The following CCNH variants were observed in gnomAD, a reference collection of about 807,000 sequenced individuals.
The protein encoded by CCNH is cyclin H.
CCNH carries 31 observed loss-of-function variants against 41.9 expected under a neutral mutation model. That is an observed-to-expected ratio of 0.74 (90% confidence interval 0.56 to 1.00). The LOEUF (loss-of-function observed/expected upper bound fraction) is 1.00, where lower values mean the gene tolerates loss of function less well. CCNH is among the 50% of genes least tolerant of loss of function. CCNH has a pLI of 0.00. For missense variants in CCNH, 362 were observed against 388.4 expected, an observed-to-expected ratio of 0.93 and a Z score of 0.57; for synonymous variants, 138 against 136.1, an observed-to-expected ratio of 1.01 and a Z score of -0.10.
chr5:87,368,731 T>C lies in CCNH; in HGVS notation c.*90+24039A>G, dbSNP rs142057791. On this transcript the variant is annotated intron_variant and NMD_transcript_variant, in intron 9 of 9. Coordinates refer to the CCNH transcript ENST00000645953. The stretch of plus-strand genomic sequence containing the variant: ...TAATTTTTTAGCCTTTTAGGAACTA[T>C]TTTCTGCTTAGCGTCTCAGCTACAC... 4.6e-5 allele frequency among the ~76,000 whole-genome samples: 7 copies of C among 152,278 alleles called. No individual in the cohort carries two copies. The East Asian group carries it at 1.4e-3, about 29-fold the overall frequency.
intron 2 of CCNH, among the ~76,000 whole-genome samples, chr5:87,410,311 A>T (rs900196042): frequency 1.3e-4 from 20 of 152,196 alleles, no homozygotes; most frequent in Admixed American, 5.2e-4. Flanking sequence ...TTACTGCCTC[A>T]TTTTACAGTT....
chr5:87,400,722 T>C (rs1326875232), intron 6 of CCNH, among the ~76,000 whole-genome samples: 1 of 152,224 alleles, frequency 6.6e-6, no homozygotes, highest in African/African-American at 2.4e-5. Flanking sequence ...CAATCTTATA[T>C]TCTACTGGTT....
intron 9 of CCNH, among the ~76,000 whole-genome samples, chr5:87,356,514 C>T (rs1759663102): frequency 6.6e-6 from 1 of 151,954 alleles, no homozygotes; most frequent in African/African-American, 2.4e-5. Flanking sequence ...CTCAGGCTCC[C>T]CAGTAGCTAG....
downstream of CCNH, among the ~76,000 whole-genome samples, chr5:87,388,922 A>AC (rs1226356345): frequency 3.3e-5 from 5 of 151,610 alleles, no homozygotes; most frequent in Admixed American, 6.6e-5. Context: ...AGGAAGCCAC[A>AC]CCCCCCACCC....
intron 9 of CCNH, among the ~76,000 whole-genome samples, chr5:87,357,724 TAGTATGTGGCATCTAATAAACTTGC>T (rs1453828453): frequency 6.6e-6 from 1 of 151,830 alleles, no homozygotes; most frequent in African/African-American, 2.4e-5. Flanking sequence ...GAAAAACAAA[TAGTATGTGGCATCTAATAAACTTGC>T]AGTATGTGTT....
downstream of CCNH, chr5:87,374,779 A>C (rs567758446): frequency 1.9e-6 from 3 of 1,596,502 alleles, no homozygotes; most frequent in East Asian, 6.8e-5. Flanking sequence ...CTAGAACTAA[A>C]GAAATAAGGT....
intron 9 of CCNH, among the ~76,000 whole-genome samples, chr5:87,339,429 A>G (rs960007174): frequency 1.2e-4 from 18 of 152,178 alleles, no homozygotes; most frequent in African/African-American, 3.6e-4. Context: ...GCATCTTACT[A>G]TGATAGTTTT....
chr5:87,411,961 G>T (rs1764281381), intron 1 of CCNH, among the ~76,000 whole-genome samples: 1 of 152,152 alleles, frequency 6.6e-6, no homozygotes, highest in Non-Finnish European at 1.5e-5. Flanking sequence ...CAGTCCGAGA[G>T]CTGTAACAGA....
At chr5:87,397,173 T>C (rs1299001630) in intron 7 of CCNH, among the ~76,000 whole-genome samples, 4 of 152,062 alleles carry the variant, frequency 2.6e-5, no homozygotes, top group African/African-American at 9.7e-5. Context: ...TTTTTTGTTT[T>C]TTTTTTTGAG....
At chr5:87,387,210 C>T (rs764613859), downstream of CCNH, among the ~76,000 whole-genome samples, 28 of 152,070 alleles carry the variant, frequency 1.8e-4, no homozygotes, top group Non-Finnish European at 2.8e-4. Flanking sequence ...ACTGCCATGA[C>T]ATTCTGTTGC....
At chr5:87,390,496 T>C (rs902609622), downstream of CCNH, among the ~76,000 whole-genome samples, 1 of 151,732 alleles carries the variant, frequency 6.6e-6, no homozygotes, top group Admixed American at 6.6e-5. Context: ...AAAAAAAGCC[T>C]TTTTTAAAAG....
chr5:87,379,001 A>C (rs1483042771), upstream of CCNH, among the ~76,000 whole-genome samples: 1 of 152,196 alleles, frequency 6.6e-6, no homozygotes, highest in Admixed American at 6.6e-5. Context: ...ATAAATTCAT[A>C]ATACACTATT....
intron 9 of CCNH, among the ~76,000 whole-genome samples, chr5:87,334,328 TTCC>T (rs1408442764): frequency 6.6e-6 from 1 of 152,176 alleles, no homozygotes; most frequent in Non-Finnish European, 1.5e-5. Context: ...GATGAATTTC[TTCC>T]TCCTCCATTT....
downstream of CCNH, chr5:87,394,246 G>C: frequency 8.1e-7 from 1 of 1,238,938 alleles, no homozygotes; most frequent in Non-Finnish European, 1.0e-6. Context: ...GATGGAATAA[G>C]AATATTCAAA....
intron 9 of CCNH, among the ~76,000 whole-genome samples, chr5:87,330,447 G>A (rs1757526101): frequency 6.6e-6 from 1 of 152,094 alleles, no homozygotes; most frequent in African/African-American, 2.4e-5. Flanking sequence ...TTCTCTGGAT[G>A]TTTCAAATTA....
At chr5:87,408,244 A>C in intron 3 of CCNH, 58 bp from the exon 4 acceptor site, 2 of 809,224 alleles carry the variant, frequency 2.5e-6, no homozygotes, top group African/African-American at 1.7e-5. Flanking sequence ...AAGAACATGC[A>C]TATACTTTGA....
At chr5:87,352,695 A>G (rs1030678999) in intron 9 of CCNH, among the ~76,000 whole-genome samples, 2 of 151,422 alleles carry the variant, frequency 1.3e-5, no homozygotes, top group African/African-American at 4.8e-5. Flanking sequence ...CATGTGTTTT[A>G]TGACCTGTTT....
chr5:87,407,887 G>T, intron 4 of CCNH, 89 bp downstream of exon 4: 1 of 965,704 alleles, frequency 1.0e-6, no homozygotes, highest in Non-Finnish European at 1.6e-6. Flanking sequence ...ATAACAACGA[G>T]GATGATTATG....
At chr5:87,347,370 A>G (rs903038793) in intron 9 of CCNH, among the ~76,000 whole-genome samples, 1 of 152,008 alleles carries the variant, frequency 6.6e-6, no homozygotes, top group African/African-American at 2.4e-5. Context: ...TTGTGGTTTT[A>G]ACCATCCTGT....
Sources: gnomAD v4.1 joint callset for allele counts (sites outside exome capture counted in the v4.1 genomes callset) on GRCh38, gnomAD v4.1.1 for gene constraint, MANE v1.5 for transcripts, NCBI Gene and HGNC (gene_info 2026-07-23, HGNC 2026-07-21) for gene names.